KIF16B: variants seen among roughly 807,000 people sequenced by gnomAD.
The protein encoded by KIF16B is kinesin family member 16B, also known as kinesin-like protein KIF16B.
Under a neutral mutation model 156.3 loss-of-function variants are expected in KIF16B, and 98 were observed. The observed-to-expected ratio is 0.63, with a 90% confidence interval of 0.53 to 0.74. KIF16B has a LOEUF of 0.74. KIF16B is among the 30% of genes least tolerant of loss of function. The pLI is 0.00. For synonymous variants in KIF16B, 564 were observed against 583.7 expected (o/e 0.97, Z 0.49); for missense variants, 1,421 against 1,606.5 (o/e 0.88, Z 1.97).
At chr20:16,343,917 G>A (rs950082512) in intron 23 of KIF16B, among the ~76,000 whole-genome samples, 1 of 151,960 alleles carries the variant, frequency 6.6e-6, no homozygotes, top group Non-Finnish European at 1.5e-5. Flanking sequence ...TGTACAGTTA[G>A]TAAATGTTAC....
At position 16,494,376 on chromosome 20, in the gene KIF16B, A is replaced by G. The variant is rs553389660; in HGVS notation, c.1243-26T>C. 1.5e-5 allele frequency: 22 copies of G among 1,430,704 alleles called. 1 individual carries two copies. In the South Asian group the frequency reaches 2.4e-4, roughly 15 times the overall value. 88.6% of individuals were successfully genotyped at this position (1,430,704 alleles called of 1,614,324 possible). Reference sequence around the variant, plus strand: ...CTGAAAAGAAAAATATACATACGTGACTGCTTCATAAAGAAAGTTTATAAT... The same window carrying G: ...CTGAAAAGAAAAATATACATACGTGGCTGCTTCATAAAGAAAGTTTATAAT... On this transcript the variant is annotated intron_variant, in intron 11 of 25. Transcript: ENST00000354981.
intron 23 of KIF16B, among the ~76,000 whole-genome samples, chr20:16,352,196 C>T (rs139476205): frequency 1.3e-5 from 2 of 152,330 alleles, no homozygotes; most frequent in East Asian, 3.9e-4. Flanking sequence ...GGGCTAGTTA[C>T]ACGGGTGTAT....
intron 25 of KIF16B, among the ~76,000 whole-genome samples, chr20:16,280,840 A>ACGCGCG (rs769929218): frequency 0.015 from 1,992 of 131,496 alleles, 30 homozygotes; most frequent in East Asian, 0.071. Flanking sequence ...CTGCGCGCGC[A>ACGCGCG]CGTGTGTGTG....
chr20:16,463,628 T>A (rs754851334), intron 12 of KIF16B, among the ~76,000 whole-genome samples: 3 of 152,118 alleles, frequency 2.0e-5, no homozygotes, highest in Non-Finnish European at 1.5e-5. Flanking sequence ...CCAGAGTATA[T>A]GGAATTTAAC....
At chr20:16,367,167 G>A (rs1164938698) in intron 22 of KIF16B, 4 of 1,602,680 alleles carry the variant, frequency 2.5e-6, no homozygotes, top group Non-Finnish European at 3.4e-6. Context: ...TCAAATGTGA[G>A]ATTAGCCAAA....
At chr20:16,445,721 C>T (rs559114725) in intron 12 of KIF16B, among the ~76,000 whole-genome samples, 1 of 152,224 alleles carries the variant, frequency 6.6e-6, no homozygotes, top group African/African-American at 2.4e-5. Flanking sequence ...GACACTAAGT[C>T]CAGAGCAGTG....
chr20:16,572,106 A>ACC (rs2071478803), intron 1 of KIF16B, among the ~76,000 whole-genome samples: 1 of 152,236 alleles, frequency 6.6e-6, no homozygotes, highest in African/African-American at 2.4e-5. Flanking sequence ...AAAAAAGTCA[A>ACC]ACTCTTACTC....
intron 1 of KIF16B, among the ~76,000 whole-genome samples, chr20:16,531,511 A>G (rs1045176258): frequency 6.6e-6 from 1 of 152,180 alleles, no homozygotes; most frequent in Non-Finnish European, 1.5e-5. Flanking sequence ...CTGAAGTACC[A>G]ACGCGACTGC....
chr20:16,296,604 G>A (rs2063390159), intron 25 of KIF16B, among the ~76,000 whole-genome samples: 2 of 152,214 alleles, frequency 1.3e-5, no homozygotes, highest in South Asian at 2.1e-4. Context: ...AATGAGCGTG[G>A]GAGCTGGGGA....
intron 6 of KIF16B, among the ~76,000 whole-genome samples, chr20:16,510,973 A>T (rs1262117460): frequency 6.6e-6 from 1 of 152,224 alleles, no homozygotes; most frequent in Non-Finnish European, 1.5e-5. Context: ...CTGTGCCACA[A>T]CGAGCGTATC....
At chr20:16,280,416 A>G (rs1384913942) in intron 25 of KIF16B, among the ~76,000 whole-genome samples, 1 of 152,196 alleles carries the variant, frequency 6.6e-6, no homozygotes, top group Non-Finnish European at 1.5e-5. Flanking sequence ...TGAGCAAGAG[A>G]GCAAGGCCAA....
intron 22 of KIF16B, among the ~76,000 whole-genome samples, chr20:16,357,787 G>T (rs970625607): frequency 5.3e-5 from 8 of 152,180 alleles, no homozygotes; most frequent in Admixed American, 3.9e-4. Flanking sequence ...TGAAGTTTCC[G>T]AAGCCTGTTA....
chr20:16,382,077 A>G, intron 17 of KIF16B: 1 of 1,333,804 alleles, frequency 7.5e-7, no homozygotes, highest in Non-Finnish European at 1.0e-6. Context: ...TGATGAGTAT[A>G]TAAAAATGGA....
intron 25 of KIF16B, among the ~76,000 whole-genome samples, chr20:16,290,038 A>G (rs2063290394): frequency 6.6e-6 from 1 of 152,194 alleles, no homozygotes; most frequent in Admixed American, 6.5e-5. Flanking sequence ...AAAACAAAAA[A>G]GATGTATTAT....
At chr20:16,285,680 G>A (rs2063212754) in intron 25 of KIF16B, among the ~76,000 whole-genome samples, 1 of 152,090 alleles carries the variant, frequency 6.6e-6, no homozygotes, top group Non-Finnish European at 1.5e-5. Flanking sequence ...TTAACCAGAT[G>A]TGGTGGTGCA....
chr20:16,546,542 C>T (rs1026714706), intron 1 of KIF16B, among the ~76,000 whole-genome samples: 2 of 152,174 alleles, frequency 1.3e-5, no homozygotes, highest in African/African-American at 4.8e-5. Flanking sequence ...TTAACATAAC[C>T]TTTCTGACCC....
At chr20:16,367,040 T>C in intron 22 of KIF16B, 2 of 1,376,338 alleles carry the variant, frequency 1.5e-6, no homozygotes, top group South Asian at 2.0e-5. Flanking sequence ...CCAGTTCCAA[T>C]TCAATTAGCT....
intron 12 of KIF16B, among the ~76,000 whole-genome samples, chr20:16,437,903 T>C (rs1282472582): frequency 6.6e-6 from 1 of 150,922 alleles, no homozygotes; most frequent in East Asian, 1.9e-4. Context: ...GAGGCTGAGA[T>C]GGGCGGATCA....
intron 12 of KIF16B, among the ~76,000 whole-genome samples, chr20:16,455,261 G>T (rs2067184641): frequency 6.6e-6 from 1 of 151,882 alleles, no homozygotes; most frequent in South Asian, 2.1e-4. Context: ...GCTCAGGCTG[G>T]TCTTAAACTT....
Sources: gnomAD v4.1 joint callset for allele counts (sites outside exome capture counted in the v4.1 genomes callset) on GRCh38, gnomAD v4.1.1 for gene constraint, MANE v1.5 for transcripts, NCBI Gene and HGNC (gene_info 2026-07-23, HGNC 2026-07-21) for gene names.